SVOPL: variants seen among roughly 807,000 people sequenced by gnomAD.
SVOPL encodes putative transporter SVOPL.
In SVOPL, 60 loss-of-function variants were observed where a neutral mutation model predicts 61.0. That is an observed-to-expected ratio of 0.98 (90% confidence interval 0.80 to 1.22). SVOPL has a LOEUF of 1.22. SVOPL is among the 50% of genes most tolerant of loss of function. SVOPL has a pLI of 0.00. For missense variants in SVOPL, 662 were observed against 643.9 expected (o/e 1.03, Z -0.30); for synonymous variants, 279 against 250.0 (o/e 1.12, Z -1.09).
At chr7:138,626,994 GCA>G (rs1799922203) in intron 12 of SVOPL, among the ~76,000 whole-genome samples, 1 of 152,122 alleles carries the variant, frequency 6.6e-6, no homozygotes, top group South Asian at 2.1e-4. Context: ...GCACAAATAA[GCA>G]CACTGTCTGT....
chr7:138,645,889 C>T (rs1315974048), intron 8 of SVOPL: 1 of 159,150 alleles, frequency 6.3e-6, no homozygotes, highest in Non-Finnish European at 1.4e-5. Flanking sequence ...AATCTCAGCT[C>T]ACTGCAACCT....
rs533399262 is a variant in SVOPL, at chr7:138,660,253, C to G, written c.346-265G>C. On this transcript the variant is annotated intron_variant, in intron 5 of 15. Coordinates refer to ENST00000674285, the MANE Select transcript of SVOPL (RefSeq NM_001139456.2). ...CCCTCATGGGTGGCAGGTCCCTGAA[C>G]TTGGACATCAAAAGGCAAAAACGTG... is the stretch of plus-strand genomic sequence containing the variant. 1,340 of 1,171,482 alleles carry G rather than the reference C, an allele frequency of 1.1e-3. 3 individuals carry two copies. Among genetic ancestry groups the G allele is most frequent in the Non-Finnish European group, 1.3e-3 (1,237 of 943,890 alleles). 72.6% of individuals were successfully genotyped at this position (1,171,482 alleles called of 1,614,324 possible). A position where few individuals can be genotyped will look rare whatever the true frequency, so the allele number is the denominator to read the frequency against.
At chr7:138,641,814 T>TTA (rs10666134) in intron 9 of SVOPL, among the ~76,000 whole-genome samples, 3,375 of 120,950 alleles carry the variant, frequency 0.028, 119 homozygotes, top group African/African-American at 0.084. Context: ...TATATATATG[T>TTA]TATATATATA....
At chr7:138,690,278 A>G (rs1802912430) in intron 1 of SVOPL, among the ~76,000 whole-genome samples, 1 of 152,186 alleles carries the variant, frequency 6.6e-6, no homozygotes, top group Admixed American at 6.6e-5. Flanking sequence ...ATCATTTGAG[A>G]TAGAGTTTCA....
At chr7:138,632,999 T>C (rs1292959434) in intron 9 of SVOPL, among the ~76,000 whole-genome samples, 1 of 152,190 alleles carries the variant, frequency 6.6e-6, no homozygotes, top group African/African-American at 2.4e-5. Flanking sequence ...TTGTAGTCTC[T>C]ATAAACCATA....
intron 10 of SVOPL, among the ~76,000 whole-genome samples, chr7:138,629,151 G>GTATA (rs1456009299): frequency 4.5e-4 from 43 of 95,566 alleles, no homozygotes; most frequent in African/African-American, 2.4e-3. Flanking sequence ...GTGTGTGTGT[G>GTATA]TGTATATATG....
chr7:138,679,539 C>G (rs980499025), intron 1 of SVOPL, among the ~76,000 whole-genome samples: 1 of 152,126 alleles, frequency 6.6e-6, no homozygotes, highest in African/African-American at 2.4e-5. Flanking sequence ...TCCCAAAGTG[C>G]TGGGATTATA....
chr7:138,640,163 C>T (rs1384445819), intron 9 of SVOPL, among the ~76,000 whole-genome samples: 2 of 151,918 alleles, frequency 1.3e-5, no homozygotes, highest in African/African-American at 4.8e-5. Context: ...AACATGTTAA[C>T]ATGAGAGAAA....
In SVOPL at chr7:138,621,846, GTATCTATCTATCTATCTATC is replaced by G. The variant is rs879287399; in HGVS notation, c.1264-731_1264-712del. ...TGTATCTATGTATCTATCTATCTAT[GTATCTATCTATCTATCTATC>G]TATCTATCTATCTATCTATCTATCT... On this transcript the variant is annotated intron_variant, in intron 13 of 15. Transcript: ENST00000674285. Among the ~76,000 whole-genome samples the G allele has an allele frequency of 3.8e-3, 225 of 59,132 alleles. 4 individuals are homozygous for G. Among genetic ancestry groups the G allele is most frequent in the South Asian group, 0.02 (43 of 2,134 alleles). The allele number at this position is 59,132 out of a possible 152,430, so 38.8% of individuals were successfully genotyped here. A position where few individuals can be genotyped will look rare whatever the true frequency, so the allele number is the denominator to read the frequency against.
chr7:138,640,327 G>T (rs1462847256), intron 9 of SVOPL, among the ~76,000 whole-genome samples: 1 of 151,944 alleles, frequency 6.6e-6, no homozygotes, highest in African/African-American at 2.4e-5. Context: ...TGCCTCCCGG[G>T]TTCAAGCATT....
intron 14 of SVOPL, among the ~76,000 whole-genome samples, chr7:138,616,713 T>C (rs1456443937): frequency 6.6e-6 from 1 of 152,198 alleles, no homozygotes; most frequent in African/African-American, 2.4e-5. Context: ...TACTATTATT[T>C]TTTACTATCA....
chr7:138,688,048 G>A (rs1287920247), intron 1 of SVOPL, among the ~76,000 whole-genome samples: 5 of 152,028 alleles, frequency 3.3e-5, no homozygotes, highest in African/African-American at 4.8e-5. Flanking sequence ...TGATCCACCC[G>A]CCTCGGCCCC....
chr7:138,596,428 G>A lies in SVOPL; in HGVS notation c.1456C>T (p.Arg486Trp), dbSNP rs111821973. The stretch of plus-strand genomic sequence containing the variant: ...CCTGCATCACTCACCTGGAGGGCCC[G>A]TCCTTTGGTTTCGATGGGGAGAGTG... ...AFTLPIETKGRALQQIK is the reference protein window; with the variant it reads ...AFTLPIETKGWALQQIK Residue 486 changes from arginine to tryptophan, a missense_variant, in exon 15 of 16, where the codon CGG (arginine) becomes TGG (tryptophan). Arg to Trp is a moderately radical substitution (Grantham distance 101). Transcript: ENST00000674285. The A allele has an allele frequency of 3.5e-5, 56 of 1,613,742 alleles. No homozygotes were observed. The highest frequency in any genetic ancestry group is 4.5e-5 in the East Asian group (2 of 44,846).
At position 138,693,452 on chromosome 7, in the gene SVOPL, A is replaced by T. The variant is rs564693583; in HGVS notation, c.-35+7726T>A. Among the ~76,000 whole-genome samples the T allele has an allele frequency of 1.5e-4, 23 of 151,122 alleles. No homozygotes were observed. The South Asian group carries it at 4.4e-3, about 29-fold the overall frequency. On this transcript the variant is annotated intron_variant, in intron 1 of 15. Transcript: ENST00000674285. ...TAGGAGTTCCAATCCAGCCTGGATG[A>T]TAGAACCCAGAAGAAAGAAAGAAGA...
chr7:138,627,200 A>G (rs919676457), intron 12 of SVOPL, 150 bp downstream of exon 12: 1 of 573,368 alleles, frequency 1.7e-6, no homozygotes, highest in Non-Finnish European at 3.1e-6. Context: ...ATAGTAGGGA[A>G]CAGGCAAGAC....
At chr7:138,685,330 G>T (rs1802783401) in intron 1 of SVOPL, among the ~76,000 whole-genome samples, 1 of 152,088 alleles carries the variant, frequency 6.6e-6, no homozygotes, top group East Asian at 1.9e-4. Context: ...AAACAAGCCA[G>T]GCACAGAATA....
intron 14 of SVOPL, among the ~76,000 whole-genome samples, chr7:138,614,257 G>A (rs1799183489): frequency 6.6e-6 from 1 of 152,124 alleles, no homozygotes; most frequent in African/African-American, 2.4e-5. Flanking sequence ...TCCTAACAGA[G>A]TCTCTGTTTG....
intron 1 of SVOPL, among the ~76,000 whole-genome samples, chr7:138,684,928 TC>T (rs1487269869): frequency 8.7e-5 from 12 of 137,874 alleles, no homozygotes; most frequent in African/African-American, 3.1e-4. Flanking sequence ...TTTTTCTTTT[TC>T]TTTTCTTTTT....
intron 14 of SVOPL, among the ~76,000 whole-genome samples, chr7:138,604,301 C>A (rs1440467929): frequency 6.6e-6 from 1 of 152,058 alleles, no homozygotes; most frequent in African/African-American, 2.4e-5. Context: ...TTACATACTT[C>A]TATGAAGCTT....
Sources: gnomAD v4.1 joint callset for allele counts (sites outside exome capture counted in the v4.1 genomes callset) on GRCh38, gnomAD v4.1.1 for gene constraint, MANE v1.5 for transcripts, NCBI Gene and HGNC (gene_info 2026-07-23, HGNC 2026-07-21) for gene names.